Variants in PIBF1 observed in about 807,000 individuals in gnomAD.
The protein encoded by PIBF1 is progesterone-induced-blocking factor 1.
Under a neutral mutation model 112.5 loss-of-function variants are expected in PIBF1, and 90 were observed. That is an observed-to-expected ratio of 0.80 (90% CI 0.67 to 0.95). PIBF1 has a LOEUF of 0.95. Ranked by LOEUF, PIBF1 falls within the 40% of genes least tolerant of loss-of-function variation. PIBF1 has a pLI of 0.00. For synonymous variants in PIBF1, 301 were observed against 288.6 expected (o/e 1.04, Z -0.44); for missense variants, 915 against 852.3 (o/e 1.07, Z -0.92).
At chr13:72,963,768 C>T (rs2042668183) in intron 14 of PIBF1, among the ~76,000 whole-genome samples, 1 of 151,934 alleles carries the variant, frequency 6.6e-6, no homozygotes, top group Non-Finnish European at 1.5e-5. Flanking sequence ...AAAATACAAG[C>T]AAAAGACTTG....
intron 16 of PIBF1, among the ~76,000 whole-genome samples, chr13:72,996,268 T>TA (rs374718365): frequency 0.043 from 5,583 of 130,744 alleles, 229 homozygotes; most frequent in African/African-American, 0.11. Flanking sequence ...TTCAATATAT[T>TA]AAAAAAAAAA....
intron 11 of PIBF1, among the ~76,000 whole-genome samples, chr13:72,904,081 G>C (rs934669857): frequency 3.4e-5 from 5 of 148,820 alleles, no homozygotes; most frequent in African/African-American, 5.2e-5. Flanking sequence ...ATAATTATTT[G>C]TTGGGTAAAA....
rs1156334355 is a variant in PIBF1 at position 72,844,728 on chromosome 13, TACACACACACACACACACACACACAC to T, written c.1224-9282_1224-9257del. On this transcript the variant is annotated intron_variant, in intron 9 of 17. Transcript: ENST00000326291. Reference sequence around the variant, plus strand: ...TTATAAAAGCATCTGTAATTTTATTTACACACACACACACACACACACACACACACACACACACACACACACACACA... The same window carrying T: ...TTATAAAAGCATCTGTAATTTTATTTACACACACACACACACACACACACA... Among the ~76,000 whole-genome samples, 274 of 53,240 alleles carry T rather than the reference TACACACACACACACACACACACACAC, an allele frequency of 5.1e-3. 7 individuals carry two copies. The highest frequency in any genetic ancestry group is 7.2e-3 in the African/African-American group (88 of 12,160). 34.9% of individuals were successfully genotyped at this position (53,240 alleles called of 152,430 possible). A position where few individuals can be genotyped will look rare whatever the true frequency, so the allele number is the denominator to read the frequency against.
intron 13 of PIBF1, among the ~76,000 whole-genome samples, chr13:72,921,037 G>A (rs758120874): frequency 6.6e-6 from 1 of 151,998 alleles, no homozygotes; most frequent in Non-Finnish European, 1.5e-5. Flanking sequence ...ATATTTTAGG[G>A]TAGCATTTAA....
In PIBF1 at chr13:72,987,119, C is replaced by A. The variant is rs139377750; in HGVS notation, c.2050-11703C>A. 9.8e-3 allele frequency among the ~76,000 whole-genome samples: 1,492 copies of A among 152,230 alleles called. 23 individuals are homozygous for A. The highest frequency in any genetic ancestry group is 0.032 in the African/African-American group (1,333 of 41,552). On this transcript the variant is annotated intron_variant, in intron 16 of 17. Transcript: ENST00000326291. ...AGGAAAACAGGATGATGAAAGAATT[C>A]TTTTCAGTCATAAGAGAGATGAATG...
chr13:72,922,854 G>A (rs887104320), intron 13 of PIBF1, among the ~76,000 whole-genome samples: 16 of 152,128 alleles, frequency 1.1e-4, no homozygotes, highest in African/African-American at 3.9e-4. Flanking sequence ...GATAAATTTG[G>A]AAGTGTAAGC....
chr13:72,942,948 C>G (rs1296846157), intron 14 of PIBF1, among the ~76,000 whole-genome samples: 1 of 152,056 alleles, frequency 6.6e-6, no homozygotes, highest in Non-Finnish European at 1.5e-5. Context: ...TTGCAGTGAG[C>G]CAAGATTGTG....
At chr13:72,868,313 G>GAAAAA (rs76699229) in intron 10 of PIBF1, among the ~76,000 whole-genome samples, 1 of 124,958 alleles carries the variant, frequency 8.0e-6, no homozygotes, top group African/African-American at 3.0e-5. Context: ...TATTAAAAAA[G>GAAAAA]AAAAAAAAAA....
chr13:72,864,910 T>C (rs565552138), intron 10 of PIBF1, among the ~76,000 whole-genome samples: 5 of 152,226 alleles, frequency 3.3e-5, no homozygotes, highest in Non-Finnish European at 5.9e-5. Flanking sequence ...TAATACATTT[T>C]TAAACTTGGC....
At chr13:72,809,132 CTTTTTTT>C (rs35219701) in intron 5 of PIBF1, among the ~76,000 whole-genome samples, 2 of 74,854 alleles carry the variant, frequency 2.7e-5, no homozygotes, top group Non-Finnish European at 4.8e-5. Context: ...GTATATGTCC[CTTTTTTT>C]TTTTTTTTTT....
chr13:72,955,184 A>G (rs1028640747), intron 14 of PIBF1, among the ~76,000 whole-genome samples: 1 of 152,246 alleles, frequency 6.6e-6, no homozygotes, highest in African/African-American at 2.4e-5. Flanking sequence ...TTACATGGAC[A>G]AAACATTTCA....
chr13:72,790,461 ACACTTATAGATAGAT>A (rs1338789252), intron 2 of PIBF1, among the ~76,000 whole-genome samples: 4 of 146,164 alleles, frequency 2.7e-5, no homozygotes, highest in African/African-American at 1.1e-4. Context: ...ACACACACAC[ACACTTATAGATAGAT>A]CACACACACC....
intron 10 of PIBF1, among the ~76,000 whole-genome samples, chr13:72,858,663 C>G (rs918400283): frequency 6.6e-6 from 1 of 152,144 alleles, no homozygotes; most frequent in African/African-American, 2.4e-5. Flanking sequence ...TATGTACCCT[C>G]TTTTGTACCT....
chr13:72,973,734 C>G (rs1316255159), intron 16 of PIBF1, 59 bp downstream of exon 16: 2 of 917,674 alleles, frequency 2.2e-6, no homozygotes, highest in Non-Finnish European at 3.5e-6. Context: ...AAACTGCTAT[C>G]AGGTTAAAAT....
rs556799485 is a variant in PIBF1 at position 72,897,411 on chromosome 13, CA to C, written c.1488+3469del. On this transcript the variant is annotated intron_variant, in intron 11 of 17. Coordinates refer to ENST00000326291, the MANE Select transcript of PIBF1 (RefSeq NM_006346.4). ...ACAAGTTAAAAATCAAAAACAACAA[CA>C]AAAAAAGTACACATGCAACAGAAAG... Among the ~76,000 whole-genome samples, 6 of 152,060 alleles carry C rather than the reference CA, an allele frequency of 3.9e-5. No individual in the cohort carries two copies. In the South Asian group the frequency reaches 1.2e-3, roughly 32 times the overall value.
intron 5 of PIBF1, among the ~76,000 whole-genome samples, chr13:72,808,797 T>TG (rs2035864086): frequency 6.6e-6 from 1 of 152,096 alleles, no homozygotes; most frequent in South Asian, 2.1e-4. Flanking sequence ...CCATCCAACC[T>TG]GGCACAGAAT....
At chr13:72,802,213 G>T (rs1376013888) in intron 5 of PIBF1, among the ~76,000 whole-genome samples, 1 of 152,078 alleles carries the variant, frequency 6.6e-6, no homozygotes, top group African/African-American at 2.4e-5. Flanking sequence ...TCGTCCAAGG[G>T]TCAAGTCTAT....
At chr13:72,794,142 A>C (rs554975637) in intron 3 of PIBF1, among the ~76,000 whole-genome samples, 3 of 152,336 alleles carry the variant, frequency 2.0e-5, no homozygotes, top group East Asian at 3.9e-4. Flanking sequence ...AAAATGTATC[A>C]AGGAAAGAAA....
intron 12 of PIBF1, among the ~76,000 whole-genome samples, chr13:72,916,004 A>G (rs1045514701): frequency 1.3e-5 from 2 of 152,168 alleles, no homozygotes; most frequent in South Asian, 4.1e-4. Flanking sequence ...GAAAGTTTTT[A>G]TATGTCAATG....
Sources: gnomAD v4.1 joint callset for allele counts (sites outside exome capture counted in the v4.1 genomes callset) on GRCh38, gnomAD v4.1.1 for gene constraint, MANE v1.5 for transcripts, NCBI Gene and HGNC (gene_info 2026-07-23, HGNC 2026-07-21) for gene names.